GRHL1: variants seen among roughly 807,000 people sequenced by gnomAD.
GRHL1 encodes the protein grainyhead-like protein 1 homolog.
Under a neutral mutation model 75.7 loss-of-function variants are expected in GRHL1, and 38 were observed. The observed-to-expected ratio is 0.50, with a 90% confidence interval of 0.39 to 0.66. The LOEUF (loss-of-function observed/expected upper bound fraction) is 0.66. Ranked by LOEUF, GRHL1 falls within the 30% of genes least tolerant of loss-of-function variation. GRHL1 has a pLI of 0.00. For synonymous variants in GRHL1, 266 were observed against 279.4 expected, an observed-to-expected ratio of 0.95 and a Z score of 0.48; for missense variants, 589 against 767.5, an observed-to-expected ratio of 0.77 and a Z score of 2.75.
intron 12 of GRHL1, among the ~76,000 whole-genome samples, chr2:9,994,454 T>G (rs1215141736): frequency 6.6e-6 from 1 of 152,100 alleles, no homozygotes; most frequent in Non-Finnish European, 1.5e-5. Context: ...AAGATTTCCA[T>G]GGGAAGTTCA....
chr2:9,988,357 C>G (rs374786894), intron 9 of GRHL1, among the ~76,000 whole-genome samples: 3 of 152,184 alleles, frequency 2.0e-5, no homozygotes, highest in Admixed American at 1.3e-4. Flanking sequence ...TGTAATAATC[C>G]TCATGACAGG....
chr2:9,961,362 G>A lies in GRHL1; in HGVS notation c.595G>A (p.Ala199Thr), dbSNP rs763567065. The change falls in exon 4 of 16, where the codon GCT (alanine) becomes ACT (threonine). Residue 199 changes from alanine (A) to threonine (T), a missense_variant. Ala to Thr is a moderately conservative substitution (Grantham distance 58, BLOSUM62 0). Coordinates refer to ENST00000324907, the MANE Select transcript of GRHL1 (RefSeq NM_198182.3). ...CAATACTGACCAGTTCAGCTCTGGT[G>A]CTCAAGCCCCAAATGCTCAAAGGCG... Reference protein sequence around the residue: ...NLNTDQFSSGAQAPNAQRRTP... With the variant: ...NLNTDQFSSGTQAPNAQRRTP... 40 of 1,614,056 alleles carry A rather than the reference G, an allele frequency of 2.5e-5. No individual in the cohort carries two copies. The highest frequency in any genetic ancestry group is 1.6e-4 in the Middle Eastern group (1 of 6,084).
chr2:9,977,601 G>C (rs1668001967), intron 8 of GRHL1, among the ~76,000 whole-genome samples: 1 of 152,194 alleles, frequency 6.6e-6, no homozygotes, highest in South Asian at 2.1e-4. Flanking sequence ...GGATTAACAG[G>C]CATGAGCCAC....
chr2:9,998,357 A>C (rs1014622548), intron 14 of GRHL1, among the ~76,000 whole-genome samples: 1 of 150,730 alleles, frequency 6.6e-6, no homozygotes, highest in Admixed American at 6.6e-5. Context: ...CCCCCAGCAC[A>C]CGAGCTGGGG....
Position 9,961,400 on chromosome 2 carries a change from G to A in GRHL1, c.633G>A (p.Ser211=), listed in dbSNP as rs78264111. The change falls in exon 4 of 16, where the codon TCG becomes TCA. Residue 211 remains serine, a synonymous_variant. Coordinates refer to ENST00000324907, the MANE Select transcript of GRHL1 (RefSeq NM_198182.3). ...ATGCTCAAAGGCGAACTCCAGACTCGACCTTCTCAGAGACCTTCAAGGAAG... is the reference window on the plus strand; with the variant it reads ...ATGCTCAAAGGCGAACTCCAGACTCAACCTTCTCAGAGACCTTCAAGGAAG... ...APNAQRRTPD[S]TFSETFKEGV... The A allele has an allele frequency of 5.6e-6, 9 of 1,613,534 alleles. No homozygotes were observed. Among genetic ancestry groups the A allele is most frequent in the Middle Eastern group, 1.7e-4 (1 of 6,060 alleles).
intron 8 of GRHL1, among the ~76,000 whole-genome samples, chr2:9,972,390 A>C (rs956529806): frequency 1.3e-5 from 2 of 151,962 alleles, no homozygotes; most frequent in African/African-American, 4.8e-5. Context: ...CGGAAACTAA[A>C]GCAGAGAGCT....
Position 10,001,401 on chromosome 2 carries a change from A to C in GRHL1, c.*694A>C, listed in dbSNP as rs1159573570. The stretch of plus-strand genomic sequence containing the variant: ...TTTTTGAAGGTCTGTAAATGTGTAC[A>C]TACATGTCTTATATAAATATATAAT... On this transcript the variant is annotated 3_prime_UTR_variant, in exon 16 of 16. Coordinates refer to ENST00000324907, the MANE Select transcript of GRHL1 (RefSeq NM_198182.3). 1.3e-5 allele frequency: 2 copies of C among 152,650 alleles called. No homozygotes were observed. The highest frequency in any genetic ancestry group is 2.9e-5 in the Non-Finnish European group (2 of 68,038). 9.5% of individuals were successfully genotyped at this position (152,650 alleles called of 1,614,324 possible). A position where few individuals can be genotyped will look rare whatever the true frequency, so the allele number is the denominator to read the frequency against.
intron 8 of GRHL1, among the ~76,000 whole-genome samples, chr2:9,975,545 A>G (rs1667911406): frequency 6.6e-6 from 1 of 152,142 alleles, no homozygotes; most frequent in African/African-American, 2.4e-5. Context: ...TTTGGATTCT[A>G]CCCAGATGAC....
Position 10,001,161 on chromosome 2 carries a change from T to G in GRHL1, c.*454T>G, listed in dbSNP as rs1163379468. On this transcript the variant is annotated 3_prime_UTR_variant, in exon 16 of 16. Coordinates refer to ENST00000324907, the MANE Select transcript of GRHL1 (RefSeq NM_198182.3). ...CTGAATTCAGTACAACTCCACTGCC[T>G]CACGTTAGCGGGAGCGCACCTGAAG... 2.0e-5 allele frequency: 3 copies of G among 153,170 alleles called. No individual in the cohort carries two copies. The highest frequency in any genetic ancestry group is 4.8e-5 in the African/African-American group (2 of 41,454). The allele number at this position is 153,170 out of a possible 1,614,324, so 9.5% of individuals were successfully genotyped here.
At chr2:9,984,381 T>G (rs1022526868) in intron 8 of GRHL1, among the ~76,000 whole-genome samples, 5 of 152,150 alleles carry the variant, frequency 3.3e-5, no homozygotes, top group African/African-American at 9.7e-5. Flanking sequence ...TCCAATAATG[T>G]CCACTATGTG....
rs1668707384 is a variant in GRHL1, at chr2:9,992,961, T to A, written c.1462-246T>A. Among the ~76,000 whole-genome samples the A allele has an allele frequency of 6.6e-6, 1 of 152,212 alleles. No individual in the cohort carries two copies. Among genetic ancestry groups the A allele is most frequent in the African/African-American group, 2.4e-5 (1 of 41,446 alleles). On this transcript the variant is annotated intron_variant, in intron 11 of 15. Transcript: ENST00000324907. The surrounding 1 kb of genome is among the most constrained non-coding windows in gnomAD (Gnocchi z 4.6). Reference sequence around the variant, plus strand: ...CACATGGCCATAAGCAGCATGTGAATGAATGAGCGTGGCTTTGTTTCAGTA... The same window carrying A: ...CACATGGCCATAAGCAGCATGTGAAAGAATGAGCGTGGCTTTGTTTCAGTA...
rs934523999 is a variant in GRHL1 at position 9,996,529 on chromosome 2, C to G, written c.1677+128C>G. 4.3e-6 allele frequency: 3 copies of G among 704,650 alleles called. No individual in the cohort carries two copies. The African/African-American group carries it at 5.2e-5, about 12-fold the overall frequency. The allele number at this position is 704,650 out of a possible 1,614,324, so 43.6% of individuals were successfully genotyped here. On this transcript the variant is annotated intron_variant, in intron 14 of 15. Coordinates refer to ENST00000324907, the MANE Select transcript of GRHL1 (RefSeq NM_198182.3). ...CTTCTGGAATCCCTGACACCTTTCTCGAGTCGTCGTGCGTCCCACATTTTA... is the reference window on the plus strand; with the variant it reads ...CTTCTGGAATCCCTGACACCTTTCTGGAGTCGTCGTGCGTCCCACATTTTA...
Position 9,990,547 on chromosome 2 carries a change from C to T in GRHL1, c.1270-149C>T. 2.3e-6 allele frequency: 1 copy of T among 441,752 alleles called. No individual in the cohort carries two copies. 27.4% of individuals were successfully genotyped at this position (441,752 alleles called of 1,614,324 possible). A position where few individuals can be genotyped will look rare whatever the true frequency, so the allele number is the denominator to read the frequency against. On this transcript the variant is annotated intron_variant, in intron 9 of 15. Transcript: ENST00000324907. The surrounding 1 kb of genome is among the most constrained non-coding windows in gnomAD (Gnocchi z 4.2). ...AGACTAATCTTTTTAGAAGAAACTA[C>T]TATGATAAGCCTCATGAATATAGTA...
chr2:9,953,944 A>AT (rs1318676794), intron 1 of GRHL1, among the ~76,000 whole-genome samples: 2 of 152,072 alleles, frequency 1.3e-5, no homozygotes, highest in Non-Finnish European at 1.5e-5. Flanking sequence ...TCAGTGTTCC[A>AT]TTTTTTCTCT....
chr2:9,979,151 C>CA lies in GRHL1; in HGVS notation c.1111-6957dup, dbSNP rs1227015836. ...TTCCAGCCTGGGCAAGACTCTCTCT[C>CA]AAAAAAAAAAAAAAAAGGAAACCTT... On this transcript the variant is annotated intron_variant, in intron 8 of 15. Coordinates refer to ENST00000324907, the MANE Select transcript of GRHL1 (RefSeq NM_198182.3). Among the ~76,000 whole-genome samples the CA allele has an allele frequency of 4.4e-3, 267 of 60,342 alleles. 7 individuals are homozygous for CA. The highest frequency in any genetic ancestry group is 5.4e-3 in the Non-Finnish European group (185 of 34,160). The allele number at this position is 60,342 out of a possible 152,430, so 39.6% of individuals were successfully genotyped here. A position where few individuals can be genotyped will look rare whatever the true frequency, so the allele number is the denominator to read the frequency against.
At chr2:9,955,719 T>G (rs1277876149) in intron 2 of GRHL1, among the ~76,000 whole-genome samples, 4 of 152,244 alleles carry the variant, frequency 2.6e-5, no homozygotes, top group Non-Finnish European at 5.9e-5. Flanking sequence ...CTAGACATGT[T>G]ACCAGCCTGC....
chr2:9,994,000 G>A (rs1479314612), intron 12 of GRHL1, among the ~76,000 whole-genome samples: 2 of 152,200 alleles, frequency 1.3e-5, no homozygotes, highest in African/African-American at 4.8e-5. Context: ...GGTTGTCCCA[G>A]AATTGGGCTC....
At chr2:9,981,358 G>A (rs941421681) in intron 8 of GRHL1, among the ~76,000 whole-genome samples, 10 of 152,122 alleles carry the variant, frequency 6.6e-5, no homozygotes, top group African/African-American at 2.2e-4. Flanking sequence ...TCGCTTATGC[G>A]GAAAGTGGAA....
At chr2:9,996,431 T>C (rs1668864833) in intron 14 of GRHL1, 30 bp downstream of exon 14, 5 of 1,357,780 alleles carry the variant, frequency 3.7e-6, no homozygotes, top group Non-Finnish European at 5.3e-6. Flanking sequence ...TAATCCCCTG[T>C]ACAAAATGAA....
Sources: allele counts gnomAD v4.1 joint callset (sites outside exome capture counted in the v4.1 genomes callset), GRCh38; gene constraint gnomAD v4.1.1; non-coding constraint Gnocchi (gnomAD v3.1); transcripts MANE v1.5; gene names NCBI Gene and HGNC (gene_info 2026-07-23, HGNC 2026-07-21).